ATP8A2: variants seen among roughly 807,000 people sequenced by gnomAD.
ATP8A2 encodes the protein ATPase phospholipid transporting 8A2.
In ATP8A2, 100 loss-of-function variants were observed where a neutral mutation model predicts 165.6. The observed-to-expected ratio is 0.60, with a 90% CI of 0.51 to 0.71. The LOEUF (loss-of-function observed/expected upper bound fraction) is 0.71, where lower values mean the gene tolerates loss of function less well. Ranked by LOEUF, ATP8A2 falls within the 30% of genes least tolerant of loss-of-function variation. ATP8A2 has a pLI of 0.00. For missense variants in ATP8A2, 1,227 were observed against 1,479.5 expected, an observed-to-expected ratio of 0.83 and a Z score of 2.80; for synonymous variants, 543 against 548.8, an observed-to-expected ratio of 0.99 and a Z score of 0.15.
intron 25 of ATP8A2, among the ~76,000 whole-genome samples, chr13:25,768,507 T>A (rs1436467111): frequency 6.6e-6 from 1 of 152,116 alleles, no homozygotes; most frequent in African/African-American, 2.4e-5. Context: ...CTTCATTTTC[T>A]GGGGCGGATG....
intron 24 of ATP8A2, among the ~76,000 whole-genome samples, chr13:25,663,687 T>G (rs754854867): frequency 3.3e-5 from 5 of 152,244 alleles, no homozygotes; most frequent in Non-Finnish European, 7.3e-5. Flanking sequence ...ATCTTCGACC[T>G]GATTACTGTC....
intron 25 of ATP8A2, among the ~76,000 whole-genome samples, chr13:25,743,592 G>A (rs888117285): frequency 4.6e-5 from 7 of 152,138 alleles, no homozygotes; most frequent in South Asian, 4.2e-4. Flanking sequence ...TGGATTTGCC[G>A]GCCACATGTT....
intron 25 of ATP8A2, among the ~76,000 whole-genome samples, chr13:25,733,193 A>G (rs1045740452): frequency 1.3e-5 from 2 of 152,214 alleles, no homozygotes; most frequent in Non-Finnish European, 2.9e-5. Flanking sequence ...ATTTCATAGC[A>G]TAATAAAGAA....
chr13:25,705,332 T>C (rs746698929), intron 25 of ATP8A2: 4 of 205,526 alleles, frequency 1.9e-5, no homozygotes, highest in Non-Finnish European at 3.0e-5. Context: ...GATGGCCCCA[T>C]CAGAGTCCCC....
At chr13:25,616,611 C>T (rs570273562) in intron 24 of ATP8A2, among the ~76,000 whole-genome samples, 2 of 152,260 alleles carry the variant, frequency 1.3e-5, no homozygotes, top group South Asian at 2.1e-4. Flanking sequence ...GGATTATAGG[C>T]GTGAACCATG....
chr13:25,554,508 A>G (rs529588027), intron 12 of ATP8A2, among the ~76,000 whole-genome samples: 66 of 147,258 alleles, frequency 4.5e-4, no homozygotes, highest in African/African-American at 1.7e-3. Flanking sequence ...ATAAATATAA[A>G]TCATGTGTGT....
intron 10 of ATP8A2, among the ~76,000 whole-genome samples, chr13:25,550,192 G>T (rs900077272): frequency 1.3e-5 from 2 of 152,098 alleles, no homozygotes; most frequent in East Asian, 3.9e-4. Flanking sequence ...TGTAGTCCCA[G>T]CTACTTGGGA....
intron 33 of ATP8A2, among the ~76,000 whole-genome samples, chr13:25,888,405 TC>T (rs1272668008): frequency 6.6e-6 from 1 of 152,246 alleles, no homozygotes; most frequent in African/African-American, 2.4e-5. Flanking sequence ...AAGGGGACTT[TC>T]CTTTTTCTTC....
chr13:25,858,601 T>A (rs771331730), intron 30 of ATP8A2, among the ~76,000 whole-genome samples: 3 of 152,330 alleles, frequency 2.0e-5, no homozygotes, highest in Non-Finnish European at 4.4e-5. Flanking sequence ...ATCATTATGC[T>A]GTTTTAGGAA....
Position 25,837,264 on chromosome 13 carries a change from T to G in ATP8A2, c.2856T>G (p.Asn952Lys), listed in dbSNP as rs1566188451. The G allele has an allele frequency of 4.3e-6, 7 of 1,614,112 alleles. No homozygotes were observed. Among genetic ancestry groups the G allele is most frequent in the Middle Eastern group, 3.3e-4 (2 of 6,060 alleles). The change falls in exon 29 of 37, where the codon AAT becomes AAG. Residue 952 changes from asparagine (N) to lysine (K), a missense_variant. Physicochemically the swap from Asn to Lys is moderately conservative, Grantham distance 94. Transcript: ENST00000381655. ...RFPQLYKITQ[N>K]GEGFNTKVFW... ...CCCAGCTCTACAAAATCACCCAGAA[T>G]GGCGAAGGCTTCAACACAAAGGTAA...
intron 24 of ATP8A2, among the ~76,000 whole-genome samples, chr13:25,651,905 A>G (rs1368000889): frequency 1.3e-5 from 2 of 151,914 alleles, no homozygotes; most frequent in South Asian, 2.1e-4. Context: ...TTTGTTTATT[A>G]CTTTTGTACT....
At chr13:25,480,788 G>C (rs867718969) in intron 2 of ATP8A2, among the ~76,000 whole-genome samples, 1 of 149,966 alleles carries the variant, frequency 6.7e-6, no homozygotes, top group Admixed American at 6.6e-5. Context: ...TGGGCACTTT[G>C]GGAGGCCAAG....
chr13:25,794,818 C>T (rs1410969989), intron 27 of ATP8A2, among the ~76,000 whole-genome samples: 3 of 120,412 alleles, frequency 2.5e-5, no homozygotes, highest in Admixed American at 1.9e-4. Context: ...CATTCCCTCT[C>T]CTACACACAC....
intron 1 of ATP8A2, among the ~76,000 whole-genome samples, chr13:25,429,371 T>TG (rs2034538928): frequency 7.9e-6 from 1 of 126,006 alleles, no homozygotes; most frequent in African/African-American, 3.6e-5. Context: ...GACTCCATCT[T>TG]AAAAAAAAAA....
intron 24 of ATP8A2, among the ~76,000 whole-genome samples, chr13:25,697,172 C>T (rs1454420373): frequency 1.3e-5 from 2 of 152,110 alleles, no homozygotes; most frequent in Admixed American, 6.5e-5. Context: ...TGAGGTGTGC[C>T]TGTATTATAT....
intron 27 of ATP8A2, among the ~76,000 whole-genome samples, chr13:25,797,496 A>G (rs1387414661): frequency 6.6e-6 from 1 of 152,194 alleles, no homozygotes. Flanking sequence ...AATTGGTTAT[A>G]GTACGTTCTT....
intron 33 of ATP8A2, among the ~76,000 whole-genome samples, chr13:25,940,094 C>T (rs570688915): frequency 1.3e-5 from 2 of 152,248 alleles, no homozygotes; most frequent in South Asian, 2.1e-4. Flanking sequence ...CCTCAGTCCT[C>T]GAGTGGCGCT....
chr13:25,886,655 C>T (rs1402230087), intron 33 of ATP8A2, among the ~76,000 whole-genome samples: 7 of 152,218 alleles, frequency 4.6e-5, no homozygotes, highest in African/African-American at 1.7e-4. Flanking sequence ...CTCCCAGGCC[C>T]ACTCCATGGA....
At chr13:25,734,619 A>G (rs560960986) in intron 25 of ATP8A2, among the ~76,000 whole-genome samples, 1 of 152,252 alleles carries the variant, frequency 6.6e-6, no homozygotes, top group Non-Finnish European at 1.5e-5. Context: ...TGTGACAAAA[A>G]ATCATGACAC....
Sources: allele counts gnomAD v4.1 joint callset (sites outside exome capture counted in the v4.1 genomes callset), GRCh38; gene constraint gnomAD v4.1.1; transcripts MANE v1.5; gene names NCBI Gene and HGNC (gene_info 2026-07-23, HGNC 2026-07-21).